The following PRSS23 variants were observed in gnomAD, a reference collection of about 807,000 sequenced individuals.
PRSS23 encodes serine protease 23.
Under a neutral mutation model 34.7 loss-of-function variants are expected in PRSS23, and 25 were observed. That is an observed-to-expected ratio of 0.72 (90% CI 0.53 to 1.01). The LOEUF (loss-of-function observed/expected upper bound fraction) is 1.01, where lower values mean the gene tolerates loss of function less well. Among genes scored for constraint, PRSS23 ranks in the 50% least tolerant of loss-of-function variants. PRSS23 has a pLI of 0.00. For synonymous variants in PRSS23, 176 were observed against 186.6 expected (o/e 0.94, Z 0.46); for missense variants, 445 against 475.6 (o/e 0.94, Z 0.60).
rs117569509 is a variant in PRSS23, at chr11:86,884,771, C to G, written c.206+61178C>G. On this transcript the variant is annotated intron_variant, in intron 2 of 2. Coordinates refer to the PRSS23 transcript ENST00000533902. ...CACTATCATATCTTACTCTGTTCAT[C>G]CAGAAAATGCATATATTATTGAACA... is the stretch of plus-strand genomic sequence containing the variant. Among the ~76,000 whole-genome samples the G allele has an allele frequency of 1.1e-3, 170 of 152,292 alleles. 2 individuals are homozygous for G. The East Asian group carries it at 0.03, about 27-fold the overall frequency.
intron 1 of PRSS23, among the ~76,000 whole-genome samples, chr11:86,820,921 C>G (rs1215518510): frequency 6.6e-6 from 1 of 152,114 alleles, no homozygotes; most frequent in Admixed American, 6.5e-5. Context: ...ACAGATAGTA[C>G]TAATCTTATT....
chr11:86,940,692 C>T (rs2135026635), intron 2 of PRSS23: 1 of 152,388 alleles, frequency 6.6e-6, no homozygotes, highest in Non-Finnish European at 1.5e-5. Context: ...TTCCCTCCCA[C>T]TCCAAGAATC....
intron 2 of PRSS23, among the ~76,000 whole-genome samples, chr11:86,825,862 C>T (rs1207537990): frequency 1.3e-5 from 2 of 150,764 alleles, no homozygotes; most frequent in Non-Finnish European, 3.0e-5. Flanking sequence ...GTACCAGTAC[C>T]ATGCTGTTTT....
At chr11:86,791,800 T>A (rs759174069) in intron 1 of PRSS23, among the ~76,000 whole-genome samples, 1 of 152,206 alleles carries the variant, frequency 6.6e-6, no homozygotes, top group African/African-American at 2.4e-5. Flanking sequence ...CCTGATGGCA[T>A]CCATTCATGG....
At chr11:86,923,270 C>T (rs1334556347) in intron 2 of PRSS23, among the ~76,000 whole-genome samples, 1 of 151,888 alleles carries the variant, frequency 6.6e-6, no homozygotes, top group East Asian at 1.9e-4. Flanking sequence ...ACTACAAGCA[C>T]ACATTAACAC....
chr11:86,923,128 C>CT (rs34997377), intron 2 of PRSS23, among the ~76,000 whole-genome samples: 2,081 of 127,724 alleles, frequency 0.016, 50 homozygotes, highest in African/African-American at 0.05. Context: ...TTCCTGTCTA[C>CT]TTTTTTTTTT....
At chr11:86,899,055 T>C (rs1284722709) in intron 2 of PRSS23, among the ~76,000 whole-genome samples, 4 of 152,108 alleles carry the variant, frequency 2.6e-5, no homozygotes, top group South Asian at 2.1e-4. Context: ...ACCATGTTCA[T>C]AGGGTAAAGT....
chr11:86,906,188 C>T (rs551949249), intron 2 of PRSS23, among the ~76,000 whole-genome samples: 1 of 152,326 alleles, frequency 6.6e-6, no homozygotes, highest in East Asian at 1.9e-4. Context: ...GCTAATACCT[C>T]TAATATTGTC....
chr11:86,932,764 A>C (rs920116268), intron 2 of PRSS23: 8 of 152,232 alleles, frequency 5.3e-5, no homozygotes, highest in East Asian at 1.9e-4. Context: ...ACATCCCTGC[A>C]CAAAGCAGAG....
At chr11:86,831,462 A>G (rs1005105734) in intron 2 of PRSS23, among the ~76,000 whole-genome samples, 1 of 151,680 alleles carries the variant, frequency 6.6e-6, no homozygotes, top group Non-Finnish European at 1.5e-5. Context: ...AATTTTTTGT[A>G]ATAGTTTTGG....
downstream of PRSS23, among the ~76,000 whole-genome samples, chr11:86,815,404 G>A (rs1948208159): frequency 6.6e-6 from 1 of 152,176 alleles, no homozygotes; most frequent in African/African-American, 2.4e-5. Flanking sequence ...TTAGAACAGT[G>A]CCTGGCATGT....
intron 2 of PRSS23, among the ~76,000 whole-genome samples, chr11:86,906,944 T>C (rs1373362202): frequency 6.6e-6 from 1 of 152,130 alleles, no homozygotes; most frequent in Non-Finnish European, 1.5e-5. Context: ...TACCCGGTGA[T>C]AGATTCCGGC....
chr11:86,870,231 T>A lies in PRSS23; in HGVS notation c.206+46638T>A, dbSNP rs2022983. 4.0e-5 allele frequency among the ~76,000 whole-genome samples: 6 copies of A among 151,674 alleles called. 1 individual carries two copies. The South Asian group carries it at 1.2e-3, about 32-fold the overall frequency. On this transcript the variant is annotated intron_variant, in intron 2 of 2. Coordinates refer to the PRSS23 transcript ENST00000533902. Reference sequence around the variant, plus strand: ...CATCTGTGCCTTGGCGCTACAGAGATGGTGATTTTTTTTTTTTAAGGGAGG... The same window carrying A: ...CATCTGTGCCTTGGCGCTACAGAGAAGGTGATTTTTTTTTTTTAAGGGAGG...
downstream of PRSS23, among the ~76,000 whole-genome samples, chr11:86,812,777 G>T (rs1948188231): frequency 7.6e-6 from 1 of 132,340 alleles, no homozygotes. Context: ...AACAGAGTGA[G>T]ACTCTGTCTC....
At chr11:86,865,130 G>A (rs10501630) in intron 2 of PRSS23, among the ~76,000 whole-genome samples, 1 of 152,186 alleles carries the variant, frequency 6.6e-6, no homozygotes, top group Non-Finnish European at 1.5e-5. Context: ...CACAAGGGAA[G>A]TAGCAAGAGA....
chr11:86,814,469 G>A (rs1258529215), downstream of PRSS23, among the ~76,000 whole-genome samples: 1 of 152,264 alleles, frequency 6.6e-6, no homozygotes, highest in East Asian at 1.9e-4. Flanking sequence ...AAAAAAGTTG[G>A]AAGCCAGGTT....
chr11:86,930,789 CAAA>C (rs56369539), intron 2 of PRSS23, among the ~76,000 whole-genome samples: 32 of 123,918 alleles, frequency 2.6e-4, no homozygotes, highest in Non-Finnish European at 2.6e-4. Flanking sequence ...GACTCCGTCT[CAAA>C]AAAAAAAAAA....
At chr11:86,842,544 C>G (rs1352026294) in intron 2 of PRSS23, among the ~76,000 whole-genome samples, 1 of 152,142 alleles carries the variant, frequency 6.6e-6, no homozygotes, top group Non-Finnish European at 1.5e-5. Context: ...TGTCTCAGCC[C>G]AAAATCTCCC....
chr11:86,925,295 A>AGTGTGTGTGTGT (rs5793226), intron 2 of PRSS23, among the ~76,000 whole-genome samples: 6 of 148,996 alleles, frequency 4.0e-5, no homozygotes, highest in Admixed American at 6.7e-5. Context: ...GTTTAACTGG[A>AGTGTGTGTGTGT]GTGTGTGTGT....
Sources: allele counts gnomAD v4.1 joint callset (sites outside exome capture counted in the v4.1 genomes callset), GRCh38; gene constraint gnomAD v4.1.1; transcripts MANE v1.5; gene names NCBI Gene and HGNC (gene_info 2026-07-23, HGNC 2026-07-21).